INTS2: variants seen among roughly 807,000 people sequenced by gnomAD.
INTS2 encodes the protein integrator complex subunit 2, also known as KIAA1287.
INTS2 carries 57 observed loss-of-function variants against 139.6 expected under a neutral mutation model. The observed-to-expected ratio is 0.41, with a 90% CI of 0.33 to 0.51. The LOEUF is 0.51. Ranked by LOEUF, INTS2 falls within the 20% of genes least tolerant of loss-of-function variation. INTS2 has a pLI of 0.28. For missense variants in INTS2, 1,196 were observed against 1,436.7 expected (o/e 0.83, Z 2.71); for synonymous variants, 473 against 493.4 (o/e 0.96, Z 0.55).
Position 61,919,494 on chromosome 17 carries a change from A to T in INTS2, c.555T>A (p.Pro185=), listed in dbSNP as rs1043591188. ...GCAAAGCTTCAGCTACATCAACTATAGGGAGCAAGGAAGGGAGCTCTACAA... is the reference window on the plus strand; with the variant it reads ...GCAAAGCTTCAGCTACATCAACTATTGGGAGCAAGGAAGGGAGCTCTACAA... ...ILQAELPSLL[P]IVDVAEALLH... is the part of the protein sequence containing the mutation. Residue 185 remains proline, a synonymous_variant, in exon 5 of 25, where the codon CCT becomes CCA. Transcript: ENST00000251334. The T allele has an allele frequency of 1.9e-6, 3 of 1,587,738 alleles. No individual in the cohort carries two copies. Among genetic ancestry groups the T allele is most frequent in the Non-Finnish European group, 2.6e-6 (3 of 1,163,708 alleles).
At chr17:61,913,055 G>A (rs534550871) in intron 5 of INTS2, among the ~76,000 whole-genome samples, 1 of 152,228 alleles carries the variant, frequency 6.6e-6, no homozygotes, top group Admixed American at 6.5e-5. Flanking sequence ...CAGCCTGGGT[G>A]ACACAGCAAG....
rs2079069826 is a variant in INTS2 at position 61,869,211 on chromosome 17, T to C, written c.3138+62A>G. 1 of 1,456,744 alleles carries C rather than the reference T, an allele frequency of 6.9e-7. No homozygotes were observed. The highest frequency in any genetic ancestry group is 1.4e-5 in the African/African-American group (1 of 70,952). The allele number at this position is 1,456,744 out of a possible 1,614,324, so 90.2% of individuals were successfully genotyped here. ...AGGTATTAAAAATTATAAAATGTTT[T>C]GTATAACTAGTAAGACTGGAGAGAG... On this transcript the variant is annotated intron_variant, in intron 22 of 24. Coordinates refer to ENST00000251334, the MANE Select transcript of INTS2 (RefSeq NM_001351695.2). The surrounding 1 kb of genome is among the most constrained non-coding windows in gnomAD (Gnocchi z 5.4).
chr17:61,903,173 GGA>G (rs1491101342), intron 9 of INTS2, among the ~76,000 whole-genome samples: 2 of 90,578 alleles, frequency 2.2e-5, no homozygotes, highest in South Asian at 4.6e-4. Flanking sequence ...TCTCAAAAAA[GGA>G]AAAAAAAAAA....
At chr17:61,895,174 A>G in intron 12 of INTS2, 141 bp downstream of exon 12, 1 of 582,832 alleles carries the variant, frequency 1.7e-6, no homozygotes, top group Non-Finnish European at 3.0e-6. Flanking sequence ...TCTTTAAGAA[A>G]GTTTCAAAGA....
intron 9 of INTS2, among the ~76,000 whole-genome samples, chr17:61,901,051 G>A (rs1459399438): frequency 6.6e-6 from 1 of 152,110 alleles, no homozygotes; most frequent in African/African-American, 2.4e-5. Flanking sequence ...AAGGCAGGAG[G>A]ATCACCTTAG....
At chr17:61,880,343 G>A (rs1205531942) in intron 17 of INTS2, among the ~76,000 whole-genome samples, 1 of 151,884 alleles carries the variant, frequency 6.6e-6, no homozygotes, top group Non-Finnish European at 1.5e-5. Context: ...ACCACGCCCG[G>A]CCTACACTGC....
At position 61,869,704 on chromosome 17, in the gene INTS2, T is replaced by G; in HGVS notation, c.3030+33A>C. ...TCAAAGCCCCCAAGAAAAATAAAGT[T>G]CAAACACAAAGCATCATTCTTTGGA... On this transcript the variant is annotated intron_variant, in intron 21 of 24. Coordinates refer to ENST00000251334, the MANE Select transcript of INTS2 (RefSeq NM_001351695.2). The surrounding 1 kb of genome is among the most constrained non-coding windows in gnomAD (Gnocchi z 5.4). 1 of 1,603,006 alleles carries G rather than the reference T, an allele frequency of 6.2e-7. No homozygotes were observed. Among genetic ancestry groups the G allele is most frequent in the African/African-American group, 1.3e-5 (1 of 74,646 alleles).
Position 61,926,282 on chromosome 17 carries a change from G to A in INTS2, c.293+70C>T, listed in dbSNP as rs978080931. ...ATTCTCATTCTCTCTTTTCTGGAGA[G>A]CTCTAAAAAATATCTGATTCCCTGT... On this transcript the variant is annotated intron_variant, in intron 2 of 24. Coordinates refer to ENST00000251334, the MANE Select transcript of INTS2 (RefSeq NM_001351695.2). 2.3e-5 allele frequency: 29 copies of A among 1,238,638 alleles called. No individual in the cohort carries two copies. The East Asian group carries it at 5.2e-4, about 22-fold the overall frequency. The allele number at this position is 1,238,638 out of a possible 1,614,324, so 76.7% of individuals were successfully genotyped here. A position where few individuals can be genotyped will look rare whatever the true frequency, so the allele number is the denominator to read the frequency against.
chr17:61,926,712 G>C (rs1415175571), intron 1 of INTS2, 50 bp from the exon 2 acceptor site: 7 of 1,428,676 alleles, frequency 4.9e-6, no homozygotes, highest in Non-Finnish European at 5.8e-6. Flanking sequence ...TCACATGTAT[G>C]AACACCCAAC....
chr17:61,905,714 A>G (rs911220476), intron 8 of INTS2, among the ~76,000 whole-genome samples: 4 of 151,832 alleles, frequency 2.6e-5, no homozygotes, highest in Non-Finnish European at 4.4e-5. Context: ...TTGTTTTTGT[A>G]GAGATGGAGT....
rs1267163878 is a variant in INTS2 at position 61,873,028 on chromosome 17, T to C, written c.2583-568A>G. ...GCCTTTCTACATAGTAGAATGAAAA[T>C]CTGAATTAAAAGTCTTGAAAATGAG... On this transcript the variant is annotated intron_variant, in intron 19 of 24. Transcript: ENST00000251334. The surrounding 1 kb of genome is among the most constrained non-coding windows in gnomAD (Gnocchi z 4.0). 6.6e-6 allele frequency among the ~76,000 whole-genome samples: 1 copy of C among 152,126 alleles called. No homozygotes were observed. The highest frequency in any genetic ancestry group is 6.6e-5 in the Admixed American group (1 of 15,248).
Position 61,891,589 on chromosome 17 carries a change from G to A in INTS2, c.1799C>T (p.Ser600Leu), listed in dbSNP as rs199701112. Residue 600 changes from serine (S) to leucine (L), a missense_variant, in exon 14 of 25, where the codon TCG (serine) becomes TTG (leucine). Coordinates refer to ENST00000251334, the MANE Select transcript of INTS2 (RefSeq NM_001351695.2). ...ATTTGTGGCTTCTGGATTAGATTTCGACGCAGGAGTAAGTATAGAATTTAT... is the reference window on the plus strand; with the variant it reads ...ATTTGTGGCTTCTGGATTAGATTTCAACGCAGGAGTAAGTATAGAATTTAT... Reference protein sequence around the residue: ...VYINSILTPASKSNPEATNQP... With the variant: ...VYINSILTPALKSNPEATNQP... 20 of 1,613,596 alleles carry A rather than the reference G, an allele frequency of 1.2e-5. No homozygotes were observed. The African/African-American group carries it at 2.1e-4, about 17-fold the overall frequency.
rs1157814368 is a variant in INTS2, at chr17:61,921,731, G to C, written c.529C>G (p.Gln177Glu). 9 of 1,564,770 alleles carry C rather than the reference G, an allele frequency of 5.8e-6. No homozygotes were observed. The highest frequency in any genetic ancestry group is 7.0e-6 in the Non-Finnish European group (8 of 1,145,272). Residue 177 changes from glutamine to glutamate, a missense_variant, in exon 4 of 25, where the codon CAA becomes GAA. Around this residue, in one of 3 missense-constraint regions of INTS2, gnomAD observed 1,129 missense variants for 1,341.9 expected, o/e 0.84. Transcript: ENST00000251334. Reference sequence around the variant, plus strand: ...TTAGCACTCAGTACAGTACCTGCTTGTAAAATACAAAGTACATCTGCAGCT... The same window carrying C: ...TTAGCACTCAGTACAGTACCTGCTTCTAAAATACAAAGTACATCTGCAGCT... The part of the protein sequence containing the change: ...EEAADVLCIL[Q>E]AELPSLLPIV...
At chr17:61,886,576 T>TA (rs1466596808) in intron 15 of INTS2, among the ~76,000 whole-genome samples, 1 of 152,244 alleles carries the variant, frequency 6.6e-6, no homozygotes, top group Non-Finnish European at 1.5e-5. Flanking sequence ...CTTATTTAAA[T>TA]AGAGATTTGG....
intron 8 of INTS2, 41 bp from the exon 9 acceptor site, chr17:61,904,626 G>A: frequency 2.0e-6 from 3 of 1,502,014 alleles, no homozygotes; most frequent in Non-Finnish European, 1.8e-6. Context: ...TTTTTAGTTG[G>A]GATGAAGAAG....
In INTS2 at chr17:61,867,253, G is replaced by T; in HGVS notation, c.*304C>A. ...AGGCATGGCAGTCTTCACTTCAAAA[G>T]CTAAATACAAGGCCAAATTCCCTTT... is the stretch of plus-strand genomic sequence containing the variant. On this transcript the variant is annotated 3_prime_UTR_variant, in exon 25 of 25. Transcript: ENST00000251334. The surrounding 1 kb of genome is among the most constrained non-coding windows in gnomAD (Gnocchi z 5.6). 5.6e-6 allele frequency: 1 copy of T among 178,450 alleles called. No homozygotes were observed. Among genetic ancestry groups the T allele is most frequent in the East Asian group, 1.5e-4 (1 of 6,804 alleles). 11.1% of individuals were successfully genotyped at this position (178,450 alleles called of 1,614,324 possible).
chr17:61,879,590 C>G (rs914478574), intron 17 of INTS2, among the ~76,000 whole-genome samples: 3 of 152,168 alleles, frequency 2.0e-5, no homozygotes, highest in Non-Finnish European at 4.4e-5. Context: ...GTGGTTCATG[C>G]TTGTAATTCC....
Position 61,897,829 on chromosome 17 carries a change from T to G in INTS2, c.1308-90A>C. 1.1e-6 allele frequency: 1 copy of G among 916,940 alleles called. No individual in the cohort carries two copies. The highest frequency in any genetic ancestry group is 1.6e-5 in the South Asian group (1 of 64,428). The allele number at this position is 916,940 out of a possible 1,614,324, so 56.8% of individuals were successfully genotyped here. On this transcript the variant is annotated intron_variant, in intron 9 of 24. Transcript: ENST00000251334. The surrounding 1 kb of genome is among the most constrained non-coding windows in gnomAD (Gnocchi z 4.4). The stretch of plus-strand genomic sequence containing the variant: ...ATTCTGAAGTTATTTTTGGTAGAAA[T>G]TATTTTTCCTGCCCTATTTTCAAGT...
At chr17:61,905,681 T>G (rs1327195603) in intron 8 of INTS2, among the ~76,000 whole-genome samples, 1 of 151,992 alleles carries the variant, frequency 6.6e-6, no homozygotes, top group Non-Finnish European at 1.5e-5. Context: ...TAAACAGCCT[T>G]TGCCTCCTTT....
Sources: allele counts gnomAD v4.1 joint callset (sites outside exome capture counted in the v4.1 genomes callset), GRCh38; gene constraint gnomAD v4.1.1; regional missense constraint gnomAD v4.1.1; non-coding constraint Gnocchi (gnomAD v3.1); transcripts MANE v1.5; gene names NCBI Gene and HGNC (gene_info 2026-07-23, HGNC 2026-07-21).